Variants in GTPBP4 observed in about 807,000 individuals in gnomAD.
GTPBP4 encodes GTP binding protein 4, also known as GTP-binding protein 4.
A neutral mutation model predicts 81.7 loss-of-function variants in GTPBP4; 15 were observed. The observed-to-expected ratio is 0.18, with a 90% CI of 0.12 to 0.28. The LOEUF (loss-of-function observed/expected upper bound fraction) is 0.28, where lower values mean the gene tolerates loss of function less well. Ranked by LOEUF, GTPBP4 falls within the 10% of genes least tolerant of loss-of-function variation. GTPBP4 has a pLI of 1.00. For missense variants in GTPBP4, 847 were observed against 793.8 expected, an observed-to-expected ratio of 1.07 and a Z score of -0.81; for synonymous variants, 272 against 274.6, an observed-to-expected ratio of 0.99 and a Z score of 0.09.
chr10:997,641 A>G (rs1446831559), intron 5 of GTPBP4, among the ~76,000 whole-genome samples: 1 of 152,214 alleles, frequency 6.6e-6, no homozygotes, highest in African/African-American at 2.4e-5. Flanking sequence ...GGAATTTGAG[A>G]CATGTAAGTG....
At chr10:1,006,710 G>A (rs1831743526) in intron 9 of GTPBP4, among the ~76,000 whole-genome samples, 1 of 152,188 alleles carries the variant, frequency 6.6e-6, no homozygotes, top group African/African-American at 2.4e-5. Context: ...CTGATGCCAT[G>A]GTCGCACTCA....
At position 1,012,614 on chromosome 10, in the gene GTPBP4, C is replaced by T; in HGVS notation, c.1494C>T (p.Ser498=). 1.9e-6 allele frequency: 3 copies of T among 1,613,862 alleles called. No homozygotes were observed. Among genetic ancestry groups the T allele is most frequent in the Non-Finnish European group, 2.5e-6 (3 of 1,179,906 alleles). The change falls in exon 14 of 17, where the codon TCC becomes TCT. Residue 498 remains serine, a synonymous_variant. Coordinates refer to ENST00000360803, the MANE Select transcript of GTPBP4 (RefSeq NM_012341.3). ...REKKKLKILE[S]KEKNTQGPRM... The stretch of plus-strand genomic sequence containing the variant: ...AAAAGAAGTTGAAAATTCTGGAGTC[C>T]AAAGAAAAGAATACACAGGGACCCA...
rs2132179162 is a variant in GTPBP4, at chr10:1,018,015, C to CCTT, written c.*788_*789insCTT. ...CCGTGTGCTCCTGGAGCTCCAAAGACACACAGGGGTCCAAGAGCCACCACG... is the reference window on the plus strand; with the variant it reads ...CCGTGTGCTCCTGGAGCTCCAAAGACCTTACACAGGGGTCCAAGAGCCACCACG... On this transcript the variant is annotated 3_prime_UTR_variant, in exon 17 of 17. Coordinates refer to ENST00000360803, the MANE Select transcript of GTPBP4 (RefSeq NM_012341.3). 1 of 152,362 alleles carries CCTT rather than the reference C, an allele frequency of 6.6e-6. No homozygotes were observed. Among genetic ancestry groups the CCTT allele is most frequent in the South Asian group, 2.1e-4 (1 of 4,828 alleles). The allele number at this position is 152,362 out of a possible 1,614,324, so 9.4% of individuals were successfully genotyped here.
rs1360712444 is a variant in GTPBP4, at chr10:1,000,862, C to G, written c.840C>G (p.Ile280Met). 4 of 1,611,064 alleles carry G rather than the reference C, an allele frequency of 2.5e-6. No individual in the cohort carries two copies. The highest frequency in any genetic ancestry group is 3.4e-6 in the Non-Finnish European group (4 of 1,178,066). The change falls in exon 7 of 17, where the codon ATC becomes ATG. Residue 280 changes from isoleucine to methionine, a missense_variant. By Grantham distance (10) the Ile-to-Met change is conservative (BLOSUM62 1). Coordinates refer to ENST00000360803, the MANE Select transcript of GTPBP4 (RefSeq NM_012341.3). ...TCCAGAACATCAGACCTCTCTTCAT[C>G]AACAAGGTGTGTGTGGTCACTCATG... ...ELFQNIRPLF[I>M]NKPLIVVANK...
intron 16 of GTPBP4, among the ~76,000 whole-genome samples, chr10:1,016,667 G>T (rs1179894839): frequency 6.6e-6 from 1 of 152,244 alleles, no homozygotes; most frequent in East Asian, 1.9e-4. Context: ...AACCTTCTAG[G>T]TCTAAAGTGT....
rs1222506883 is a variant in GTPBP4 at position 1,005,813 on chromosome 10, C to A, written c.913-5C>A. The A allele has an allele frequency of 1.9e-6, 3 of 1,539,620 alleles. No individual in the cohort carries two copies. The highest frequency in any genetic ancestry group is 2.2e-5 in the East Asian group (1 of 44,576). ...ACATCTCTCGTTTTTTCTTTGCATT[C>A]CCAGAAAATATTTACAGATTTGCAG... On this transcript the variant is annotated splice_polypyrimidine_tract_variant and splice_region_variant and intron_variant, in intron 8 of 16. Transcript: ENST00000360803.
chr10:999,674 G>A (rs1831589900), intron 6 of GTPBP4, among the ~76,000 whole-genome samples: 1 of 152,178 alleles, frequency 6.6e-6, no homozygotes, highest in Non-Finnish European at 1.5e-5. Context: ...AAAGCGTGAA[G>A]CAGGCTGGGC....
rs1263506048 is a variant in GTPBP4 at position 1,000,978 on chromosome 10, G to T, written c.877G>T (p.Val293Leu). 1.7e-5 allele frequency: 28 copies of T among 1,611,112 alleles called. No homozygotes were observed. The highest frequency in any genetic ancestry group is 2.4e-5 in the Non-Finnish European group (28 of 1,177,376). The change falls in exon 8 of 17, where the codon GTG (valine) becomes TTG (leucine). Residue 293 changes from valine (V) to leucine (L), a missense_variant. By Grantham distance (32) the Val-to-Leu change is conservative. Transcript: ENST00000360803. ...CATAGTTGTAGCCAACAAATGTGAT[G>T]TGAAGAGAATAGCTGAACTTTCTGA... ...PLIVVANKCD[V>L]KRIAELSEDD...
At chr10:993,921 G>A (rs899670630) in intron 2 of GTPBP4, among the ~76,000 whole-genome samples, 6 of 151,554 alleles carry the variant, frequency 4.0e-5, no homozygotes, top group African/African-American at 7.3e-5. Context: ...CACCACGCCC[G>A]GCTAGTTTTG....
intron 1 of GTPBP4, among the ~76,000 whole-genome samples, chr10:990,771 G>A (rs1452478847): frequency 2.8e-5 from 4 of 144,342 alleles, no homozygotes; most frequent in Non-Finnish European, 4.5e-5. Flanking sequence ...TATCTCGTAT[G>A]ACCATACTAG....
At chr10:996,919 A>G (rs1277981819) in intron 4 of GTPBP4, 3 of 374,886 alleles carry the variant, frequency 8.0e-6, no homozygotes, top group South Asian at 3.0e-5. Context: ...TTGTCTGGAC[A>G]CTGCCAGACA....
chr10:1,015,396 G>GGGGCTGGGGTCCT (rs1490768889), intron 15 of GTPBP4, among the ~76,000 whole-genome samples: 1 of 129,426 alleles, frequency 7.7e-6, no homozygotes, highest in African/African-American at 3.2e-5. Context: ...GCCTGGGAGT[G>GGGGCTGGGGTCCT]GACCTGGGGT....
intron 10 of GTPBP4, among the ~76,000 whole-genome samples, chr10:1,008,568 C>T (rs909176758): frequency 1.3e-5 from 2 of 152,166 alleles, no homozygotes; most frequent in African/African-American, 4.8e-5. Flanking sequence ...CCATTGAATT[C>T]TTATATGCAC....
intron 8 of GTPBP4, among the ~76,000 whole-genome samples, chr10:1,001,929 TTG>T (rs1564467825): frequency 6.0e-5 from 7 of 115,958 alleles, no homozygotes; most frequent in African/African-American, 1.9e-4. Flanking sequence ...TATTTTATTT[TTG>T]TTTTTTTTTT....
At chr10:995,348 C>T (rs1018592673) in intron 2 of GTPBP4, among the ~76,000 whole-genome samples, 4 of 151,902 alleles carry the variant, frequency 2.6e-5, no homozygotes, top group African/African-American at 4.8e-5. Context: ...CAGCCCGCAG[C>T]GTTTCAAGAG....
chr10:992,363 G>A (rs1317415780), intron 1 of GTPBP4, 126 bp from the exon 2 acceptor site: 12 of 586,462 alleles, frequency 2.0e-5, no homozygotes, highest in South Asian at 2.0e-4. Context: ...TCGTGCCACT[G>A]CACTCCAGCC....
intron 1 of GTPBP4, among the ~76,000 whole-genome samples, chr10:990,583 C>A (rs1404380648): frequency 6.6e-6 from 1 of 151,140 alleles, no homozygotes; most frequent in Non-Finnish European, 1.5e-5. Flanking sequence ...ATTAGCCAGG[C>A]GTGGTGGCGG....
chr10:1,008,391 G>C (rs1309800471), intron 10 of GTPBP4: 4 of 354,956 alleles, frequency 1.1e-5, no homozygotes, highest in African/African-American at 6.5e-5. Context: ...GGTGACAAGA[G>C]TGAGACTCTG....
intron 8 of GTPBP4, among the ~76,000 whole-genome samples, chr10:1,005,610 T>C (rs1564468795): frequency 6.6e-6 from 1 of 152,220 alleles, no homozygotes; most frequent in Non-Finnish European, 1.5e-5. Flanking sequence ...GGGCTACTAG[T>C]CGGCCATCTT....
Sources: gnomAD v4.1 joint callset for allele counts (sites outside exome capture counted in the v4.1 genomes callset) on GRCh38, gnomAD v4.1.1 for gene constraint, MANE v1.5 for transcripts, NCBI Gene and HGNC (gene_info 2026-07-23, HGNC 2026-07-21) for gene names.